EPB41L1: variants seen among roughly 807,000 people sequenced by gnomAD.
EPB41L1 encodes the protein band 4.1-like protein 1.
A neutral mutation model predicts 97.8 loss-of-function variants in EPB41L1; 29 were observed. The ratio of observed to expected loss-of-function variants is 0.30; its 90% CI spans 0.22 to 0.40. The LOEUF is 0.40. Ranked by LOEUF, EPB41L1 falls within the 10% of genes least tolerant of loss-of-function variation. The pLI, the probability that EPB41L1 is intolerant of heterozygous loss-of-function variation, is 1.00. For missense variants in EPB41L1, 812 were observed against 1,162.3 expected, an observed-to-expected ratio of 0.70 and a Z score of 4.38; for synonymous variants, 383 against 459.2, an observed-to-expected ratio of 0.83 and a Z score of 2.12.
At chr20:36,163,746 A>G (rs1366588340) in intron 1 of EPB41L1, among the ~76,000 whole-genome samples, 1 of 152,200 alleles carries the variant, frequency 6.6e-6, no homozygotes, top group Non-Finnish European at 1.5e-5. Flanking sequence ...AGAGGTGGGC[A>G]GGGAGCTGTC....
intron 1 of EPB41L1, among the ~76,000 whole-genome samples, chr20:36,165,604 C>G (rs2060708283): frequency 6.6e-6 from 1 of 152,110 alleles, no homozygotes; most frequent in Non-Finnish European, 1.5e-5. Context: ...GAGGCTGAGG[C>G]AGGAGAATTG....
intron 1 of EPB41L1, chr20:36,155,273 G>A (rs374074984): frequency 7.0e-6 from 3 of 431,512 alleles, no homozygotes; most frequent in African/African-American, 2.0e-5. Context: ...GGAGTTCTTG[G>A]CTGGAGCCTG....
intron 15 of EPB41L1, among the ~76,000 whole-genome samples, chr20:36,211,280 G>A (rs569820502): frequency 6.6e-6 from 1 of 151,980 alleles, no homozygotes; most frequent in Non-Finnish European, 1.5e-5. Flanking sequence ...CCAACTACTC[G>A]GGAGGCAGGA....
At chr20:36,215,140 A>C (rs934398794) in intron 17 of EPB41L1, among the ~76,000 whole-genome samples, 7 of 151,628 alleles carry the variant, frequency 4.6e-5, no homozygotes. Context: ...TGAGTGGATA[A>C]TCTCCGTGGA....
intron 1 of EPB41L1, among the ~76,000 whole-genome samples, chr20:36,171,759 G>A (rs2060998632): frequency 1.3e-5 from 2 of 152,180 alleles, no homozygotes; most frequent in South Asian, 4.1e-4. Context: ...TGGAGCACGT[G>A]GCTAGCCCAG....
chr20:36,113,409 TG>T (rs937734143), intron 2 of EPB41L1, among the ~76,000 whole-genome samples: 3 of 15,906 alleles, frequency 1.9e-4, no homozygotes, highest in South Asian at 4.7e-3. Flanking sequence ...ACTTTCCATT[TG>T]TGTGTGTGTG....
At chr20:36,167,907 T>G (rs2060807852) in intron 1 of EPB41L1, among the ~76,000 whole-genome samples, 1 of 151,966 alleles carries the variant, frequency 6.6e-6, no homozygotes, top group South Asian at 2.1e-4. Context: ...TTTAGGCAGT[T>G]GCAATGGTGA....
chr20:36,097,326 A>G (rs1183092803), intron 1 of EPB41L1, among the ~76,000 whole-genome samples: 3 of 152,212 alleles, frequency 2.0e-5, no homozygotes, highest in Non-Finnish European at 2.9e-5. Context: ...GACTAGGGCA[A>G]GTGATTCCAT....
chr20:36,209,453 C>A lies in EPB41L1; in HGVS notation c.1669-35C>A, dbSNP rs780121481. ...TCTCTTTCTCTCTCTCTCCCCACCC[C>A]ACATCCCCATTCTTTTGATTTTATC... is the stretch of plus-strand genomic sequence containing the variant. On this transcript the variant is annotated intron_variant, in intron 14 of 21. Transcript: ENST00000338074. The surrounding 1 kb of genome is among the most constrained non-coding windows in gnomAD (Gnocchi z 4.2). 2 of 1,607,442 alleles carry A rather than the reference C, an allele frequency of 1.2e-6. No individual in the cohort carries two copies. The highest frequency in any genetic ancestry group is 1.7e-6 in the Non-Finnish European group (2 of 1,175,214).
chr20:36,137,872 TC>T (rs1386172536), intron 2 of EPB41L1, among the ~76,000 whole-genome samples: 3 of 152,124 alleles, frequency 2.0e-5, no homozygotes, highest in African/African-American at 4.8e-5. Context: ...AAACAATAAC[TC>T]CCATTTCCTC....
At chr20:36,163,437 AG>A (rs1216575865) in intron 1 of EPB41L1, among the ~76,000 whole-genome samples, 2 of 152,172 alleles carry the variant, frequency 1.3e-5, no homozygotes, top group African/African-American at 4.8e-5. Flanking sequence ...AGGCACAAAG[AG>A]GTTAAGGGGC....
exon 1 of EPB41L1, chr20:36,091,551 C>T (rs187714980): frequency 2.2e-4 from 33 of 152,334 alleles, no homozygotes; most frequent in Admixed American, 2.0e-3. Flanking sequence ...GGAGGGGAGA[C>T]CTAGGATAGG....
intron 3 of EPB41L1, 28 bp downstream of exon 3, chr20:36,175,743 C>G (rs937220998): frequency 1.2e-6 from 2 of 1,613,144 alleles, no homozygotes; most frequent in East Asian, 2.2e-5. Context: ...GCCATATGTC[C>G]CGTCCCCGGT....
At chr20:36,175,239 G>T (rs1484019617) in intron 2 of EPB41L1, among the ~76,000 whole-genome samples, 1 of 152,196 alleles carries the variant, frequency 6.6e-6, no homozygotes, top group East Asian at 1.9e-4. Context: ...CTGCTCTGGG[G>T]AGACAGGGCA....
At chr20:36,117,644 A>G (rs2058627168) in intron 2 of EPB41L1, among the ~76,000 whole-genome samples, 1 of 139,040 alleles carries the variant, frequency 7.2e-6, no homozygotes, top group Admixed American at 6.8e-5. Context: ...GAAGGTAAGT[A>G]ACTTCTCCAA....
chr20:36,132,097 G>A (rs2059233001), intron 2 of EPB41L1, among the ~76,000 whole-genome samples: 1 of 152,166 alleles, frequency 6.6e-6, no homozygotes, highest in Non-Finnish European at 1.5e-5. Context: ...TGGAGGGAAA[G>A]GTGAGTTCTG....
intron 2 of EPB41L1, among the ~76,000 whole-genome samples, chr20:36,117,783 C>T (rs1393844110): frequency 6.6e-6 from 1 of 152,192 alleles, no homozygotes; most frequent in African/African-American, 2.4e-5. Flanking sequence ...CTCTCTACAT[C>T]CAGGACTCCC....
intron 2 of EPB41L1, among the ~76,000 whole-genome samples, chr20:36,131,507 G>A (rs1009347047): frequency 1.3e-5 from 2 of 152,086 alleles, no homozygotes; most frequent in Admixed American, 6.5e-5. Context: ...CCTAAGGCGG[G>A]AGGCAGAATA....
chr20:36,218,241 A>C (rs950548694), intron 17 of EPB41L1, among the ~76,000 whole-genome samples: 13 of 152,196 alleles, frequency 8.5e-5, no homozygotes, highest in African/African-American at 3.1e-4. Context: ...CTCATCTGTA[A>C]ATCAGGAATA....
Sources: gnomAD v4.1 joint callset for allele counts (sites outside exome capture counted in the v4.1 genomes callset) on GRCh38, gnomAD v4.1.1 for gene constraint, Gnocchi (gnomAD v3.1) non-coding constraint, MANE v1.5 for transcripts, NCBI Gene and HGNC (gene_info 2026-07-23, HGNC 2026-07-21) for gene names.